The following ZFR2 variants were observed in gnomAD, a reference collection of about 807,000 sequenced individuals.
ZFR2 encodes the protein zinc finger RNA binding protein 2.
A neutral mutation model predicts 105.7 loss-of-function variants in ZFR2; 104 were observed. That is an observed-to-expected ratio of 0.98 (90% CI 0.84 to 1.16). The LOEUF is 1.16. ZFR2 is among the 50% of genes most tolerant of loss of function. ZFR2 has a pLI of 0.00. For missense variants in ZFR2, 1,425 were observed against 1,355.5 expected (o/e 1.05, Z -0.80); for synonymous variants, 634 against 597.7 (o/e 1.06, Z -0.89).
intron 1 of ZFR2, among the ~76,000 whole-genome samples, chr19:3,853,525 T>C (rs1366598982): frequency 1.3e-5 from 2 of 151,994 alleles, no homozygotes; most frequent in Non-Finnish European, 2.9e-5. Context: ...CTCTAGCACA[T>C]GCTGCATGGA....
intron 1 of ZFR2, among the ~76,000 whole-genome samples, chr19:3,852,881 G>A (rs1214160739): frequency 1.3e-5 from 2 of 152,202 alleles, no homozygotes; most frequent in Non-Finnish European, 2.9e-5. Flanking sequence ...ACCACTTGGG[G>A]GAGCTCCTGG....
intron 1 of ZFR2, among the ~76,000 whole-genome samples, chr19:3,854,657 C>A (rs1480513222): frequency 6.6e-6 from 1 of 152,202 alleles, no homozygotes; most frequent in Non-Finnish European, 1.5e-5. Context: ...AGAGCATGTG[C>A]CCGTAAACTC....
chr19:3,820,948 T>A lies in ZFR2; in HGVS notation c.1631+392A>T, dbSNP rs1349232173. 1.3e-3 allele frequency among the ~76,000 whole-genome samples: 85 copies of A among 64,696 alleles called. 19 individuals carry two copies. The highest frequency in any genetic ancestry group is 2.1e-3 in the East Asian group (4 of 1,940). 42.4% of individuals were successfully genotyped at this position (64,696 alleles called of 152,430 possible). ...CGGGGGTCGGGGGACACAGGGACAC[T>A]AGAGGTCGGTGGACACAGGGACACT... On this transcript the variant is annotated intron_variant, in intron 10 of 18. Coordinates refer to ENST00000262961, the MANE Select transcript of ZFR2 (RefSeq NM_015174.2).
chr19:3,834,780 G>A lies in ZFR2; in HGVS notation c.257C>T (p.Thr86Ile). 6.2e-7 allele frequency: 1 copy of A among 1,611,870 alleles called. No homozygotes were observed. Residue 86 changes from threonine (T) to isoleucine (I), a missense_variant, in exon 2 of 19, where the codon ACC becomes ATC. Physicochemically the swap from Thr to Ile is moderately conservative, Grantham distance 89. Coordinates refer to ENST00000262961, the MANE Select transcript of ZFR2 (RefSeq NM_015174.2). This position sits in a 1 kb window ranked among gnomAD's most constrained non-coding sequence, Gnocchi z 5.3. The part of the protein sequence containing the change: ...EPVPTATTMA[T>I]YQDSYSYGQS... The stretch of plus-strand genomic sequence containing the variant: ...AAAGAAAGGACTGGATACCTGGTAG[G>A]TAGCCATGGTGGTGGCCGTGGGGAC...
chr19:3,852,450 G>C (rs1365946355), intron 1 of ZFR2: 2 of 718,298 alleles, frequency 2.8e-6, no homozygotes, highest in African/African-American at 1.7e-5. Context: ...CCAGCCTTGG[G>C]TCCTTCACCA....
intron 1 of ZFR2, among the ~76,000 whole-genome samples, chr19:3,867,969 C>T (rs183327295): frequency 3.9e-4 from 60 of 151,924 alleles, no homozygotes; most frequent in Middle Eastern, 3.4e-3. Context: ...GGGTCAGTGC[C>T]CTCCACACTC....
intron 9 of ZFR2, 101 bp downstream of exon 9, chr19:3,821,980 C>T (rs954485614): frequency 1.4e-6 from 2 of 1,453,438 alleles, no homozygotes; most frequent in Admixed American, 2.6e-5. Flanking sequence ...TTAAGTTCGT[C>T]GGATCACACG....
chr19:3,814,957 G>A (rs999889819), intron 13 of ZFR2, among the ~76,000 whole-genome samples: 12 of 152,226 alleles, frequency 7.9e-5, no homozygotes, highest in East Asian at 1.9e-4. Context: ...CTGTCTCCCC[G>A]ACCAGGCACT....
intron 1 of ZFR2, among the ~76,000 whole-genome samples, chr19:3,849,093 C>G (rs1349974463): frequency 6.6e-6 from 1 of 152,242 alleles, no homozygotes; most frequent in African/African-American, 2.4e-5. Context: ...GGGGAGGAAG[C>G]TCCATTCTTC....
chr19:3,834,049 C>A lies in ZFR2; in HGVS notation c.265-271G>T, dbSNP rs1466872402. Among the ~76,000 whole-genome samples the A allele has an allele frequency of 1.3e-5, 2 of 152,040 alleles. No homozygotes were observed. The highest frequency in any genetic ancestry group is 2.9e-5 in the Non-Finnish European group (2 of 68,008). On this transcript the variant is annotated intron_variant, in intron 2 of 18. Coordinates refer to ENST00000262961, the MANE Select transcript of ZFR2 (RefSeq NM_015174.2). The surrounding 1 kb of genome is among the most constrained non-coding windows in gnomAD (Gnocchi z 5.3). ...GCAATTTACAAGAGGACGCTTGGTG[C>A]GGCAGGAGAGGGCGGGTTTGCAGGG...
In ZFR2 at chr19:3,833,384, G is replaced by C. The variant is rs536180271; in HGVS notation, c.379+280C>G. On this transcript the variant is annotated intron_variant, in intron 3 of 18. Coordinates refer to ENST00000262961, the MANE Select transcript of ZFR2 (RefSeq NM_015174.2). ...GAGGTCAGGAGATGGAGACCATCCTGGCTAATACTGTGAAACCCCGTCTCT... is the reference window on the plus strand; with the variant it reads ...GAGGTCAGGAGATGGAGACCATCCTCGCTAATACTGTGAAACCCCGTCTCT... Among the ~76,000 whole-genome samples, 122 of 152,172 alleles carry C rather than the reference G, an allele frequency of 8.0e-4. 1 individual carries two copies. The highest frequency in any genetic ancestry group is 2.7e-3 in the Admixed American group (41 of 15,270).
At chr19:3,839,361 C>T (rs2038111105) in intron 1 of ZFR2, among the ~76,000 whole-genome samples, 1 of 151,530 alleles carries the variant, frequency 6.6e-6, no homozygotes, top group Non-Finnish European at 1.5e-5. Flanking sequence ...GGTGAAACCC[C>T]GTCTCTATTA....
At chr19:3,809,721 A>G (rs993665432) in intron 16 of ZFR2, among the ~76,000 whole-genome samples, 1 of 152,162 alleles carries the variant, frequency 6.6e-6, no homozygotes, top group Admixed American at 6.5e-5. Context: ...AGGCGGGCAG[A>G]TCACTTGAGG....
In ZFR2 at chr19:3,838,482, C is replaced by G. The variant is rs1004505239; in HGVS notation, c.54-3499G>C. The stretch of plus-strand genomic sequence containing the variant: ...AGCAGAGCTGGCCTCAGCTGTACAG[C>G]CCTTGCTGGAGACCACCCCAGCCCC... On this transcript the variant is annotated intron_variant, in intron 1 of 18. Coordinates refer to ENST00000262961, the MANE Select transcript of ZFR2 (RefSeq NM_015174.2). This position sits in a 1 kb window ranked among gnomAD's most constrained non-coding sequence, Gnocchi z 4.9. Among the ~76,000 whole-genome samples, 2 of 152,180 alleles carry G rather than the reference C, an allele frequency of 1.3e-5. No individual in the cohort carries two copies. The highest frequency in any genetic ancestry group is 2.4e-5 in the African/African-American group (1 of 41,444).
At chr19:3,863,364 T>C (rs969960269) in intron 1 of ZFR2, among the ~76,000 whole-genome samples, 1 of 152,160 alleles carries the variant, frequency 6.6e-6, no homozygotes, top group African/African-American at 2.4e-5. Flanking sequence ...TGGGTCACCG[T>C]TACTTTCCCA....
chr19:3,814,732 A>C (rs2037806869), intron 13 of ZFR2, among the ~76,000 whole-genome samples: 1 of 152,190 alleles, frequency 6.6e-6, no homozygotes, highest in African/African-American at 2.4e-5. Context: ...GTGTGCAGGA[A>C]ATGTGAGATG....
rs1046788475 is a variant in ZFR2 at position 3,832,541 on chromosome 19, C to T, written c.380-663G>A. On this transcript the variant is annotated intron_variant, in intron 3 of 18. Coordinates refer to ENST00000262961, the MANE Select transcript of ZFR2 (RefSeq NM_015174.2). Reference sequence around the variant, plus strand: ...TTCACCATGTTGGCCAGGATGGTCTCGATCGCTTGACCTTGTGATCCACCC... The same window carrying T: ...TTCACCATGTTGGCCAGGATGGTCTTGATCGCTTGACCTTGTGATCCACCC... Among the ~76,000 whole-genome samples the T allele has an allele frequency of 2.6e-5, 4 of 151,900 alleles. No homozygotes were observed. In the East Asian group the frequency reaches 7.7e-4, roughly 29 times the overall value.
intron 1 of ZFR2, among the ~76,000 whole-genome samples, chr19:3,859,431 G>A (rs1205152135): frequency 1.3e-5 from 2 of 152,180 alleles, no homozygotes; most frequent in Non-Finnish European, 2.9e-5. Flanking sequence ...CCTTGTGACC[G>A]TGTGAGTCAC....
intron 1 of ZFR2, among the ~76,000 whole-genome samples, chr19:3,850,808 G>A (rs1190038139): frequency 6.6e-6 from 1 of 151,542 alleles, no homozygotes; most frequent in Non-Finnish European, 1.5e-5. Flanking sequence ...GGGAGGCTGA[G>A]GTGGGAGGCT....
Sources: gnomAD v4.1 joint callset for allele counts (sites outside exome capture counted in the v4.1 genomes callset) on GRCh38, gnomAD v4.1.1 for gene constraint, Gnocchi (gnomAD v3.1) non-coding constraint, MANE v1.5 for transcripts, NCBI Gene and HGNC (gene_info 2026-07-23, HGNC 2026-07-21) for gene names.